Variants in ALPL observed in about 807,000 individuals in gnomAD.
ALPL encodes the protein alkaline phosphatase, biomineralization associated, also known as alkaline phosphatase, tissue-nonspecific isozyme.
In ALPL, 42 loss-of-function variants were observed where a neutral mutation model predicts 51.3. The ratio of observed to expected loss-of-function variants is 0.82; its 90% CI spans 0.64 to 1.06. ALPL has a LOEUF of 1.06. ALPL is among the 50% of genes least tolerant of loss of function. ALPL has a pLI of 0.00. For missense variants in ALPL, 589 were observed against 709.4 expected (o/e 0.83, Z 1.93); for synonymous variants, 279 against 296.4 (o/e 0.94, Z 0.60).
Position 21,564,338 on chromosome 1 carries a change from G to A in ALPL, c.648+122G>A, listed in dbSNP as rs1644533230. ...GGCCTGGCTCCCCACACACCTGGGA[G>A]GCTCCCAGCCCATTAGGGGATTTGC... On this transcript the variant is annotated intron_variant, in intron 6 of 11. Transcript: ENST00000374840. The surrounding 1 kb of genome is among the most constrained non-coding windows in gnomAD (Gnocchi z 5.8). 1 of 1,288,410 alleles carries A rather than the reference G, an allele frequency of 7.8e-7. No homozygotes were observed. The highest frequency in any genetic ancestry group is 1.1e-6 in the Non-Finnish European group (1 of 929,856). The allele number at this position is 1,288,410 out of a possible 1,614,324, so 79.8% of individuals were successfully genotyped here.
In ALPL at chr1:21,568,108, T is replaced by C; in HGVS notation, c.653T>C (p.Ile218Thr). The stretch of plus-strand genomic sequence containing the variant: ...GATGGCTCCTGTCTCTTTTAGGTGA[T>C]CATGGGGGGTGGCCGGAAATACATG... ...LMHNIRDIDV[I>T]MGGGRKYMYP... Residue 218 changes from isoleucine to threonine, a missense_variant, in exon 7 of 12, where the codon ATC becomes ACC. By Grantham distance (89) the Ile-to-Thr change is moderately conservative. Transcript: ENST00000374840. 6.2e-7 allele frequency: 1 copy of C among 1,614,054 alleles called. No individual in the cohort carries two copies. The highest frequency in any genetic ancestry group is 2.2e-5 in the East Asian group (1 of 44,856).
chr1:21,545,366 C>T (rs1430680304), intron 1 of ALPL, among the ~76,000 whole-genome samples: 2 of 152,160 alleles, frequency 1.3e-5, no homozygotes, highest in Non-Finnish European at 1.5e-5. Flanking sequence ...TCTCAGCTCA[C>T]TACAACCTCC....
intron 1 of ALPL, among the ~76,000 whole-genome samples, chr1:21,528,646 G>A (rs1302905046): frequency 6.6e-6 from 1 of 151,744 alleles, no homozygotes; most frequent in Admixed American, 6.6e-5. Flanking sequence ...CTCCGCTCCC[G>A]GCCGACCTAT....
At chr1:21,509,388 G>T (rs1270346689), upstream of ALPL, 1 of 150,664 alleles carries the variant, frequency 6.6e-6, no homozygotes, top group Non-Finnish European at 1.5e-5. The surrounding 1 kb of genome is among the most constrained non-coding windows in gnomAD (Gnocchi z 6.0). Context: ...GGGCCCCGCG[G>T]CCGCCTTTAT....
At chr1:21,552,020 C>T (rs1451953406) in intron 1 of ALPL, among the ~76,000 whole-genome samples, 1 of 150,122 alleles carries the variant, frequency 6.7e-6, no homozygotes, top group Non-Finnish European at 1.5e-5. Context: ...CCACCGCGCC[C>T]GGCCATTTGC....
At chr1:21,572,399 T>C (rs1029062354) in intron 8 of ALPL, among the ~76,000 whole-genome samples, 2 of 152,090 alleles carry the variant, frequency 1.3e-5, no homozygotes, top group Admixed American at 1.3e-4. Context: ...CCTCATTACA[T>C]GGTGGCTGGC....
At chr1:21,569,560 A>G (rs16825578) in intron 7 of ALPL, among the ~76,000 whole-genome samples, 27,859 of 151,450 alleles carry the variant, frequency 0.18, 3,125 homozygotes, top group East Asian at 0.45. Context: ...ACCTCCAGGA[A>G]GCAGGGGCTG....
chr1:21,563,900 T>C (rs1056957899), intron 5 of ALPL, 141 bp from the exon 6 acceptor site: 2 of 1,073,940 alleles, frequency 1.9e-6, no homozygotes, highest in Middle Eastern at 2.9e-4. Context: ...CCTGCTGCTG[T>C]GGATGGGGAG....
chr1:21,563,593 G>T (rs565665026), intron 5 of ALPL, among the ~76,000 whole-genome samples: 2 of 152,284 alleles, frequency 1.3e-5, no homozygotes, highest in South Asian at 2.1e-4. Context: ...TCAGCCCAGG[G>T]CTAGCCTGTG....
intron 1 of ALPL, among the ~76,000 whole-genome samples, chr1:21,538,164 T>G (rs1160623715): frequency 6.6e-6 from 1 of 152,220 alleles, no homozygotes; most frequent in Non-Finnish European, 1.5e-5. Context: ...TCCAGTGACG[T>G]AGGCTCTCAC....
At position 21,570,324 on chromosome 1, in the gene ALPL, AC is replaced by A; in HGVS notation, c.814del (p.Arg272AlafsTer5). 7 of 1,614,072 alleles carry A rather than the reference AC, an allele frequency of 4.3e-6. No individual in the cohort carries two copies. The highest frequency in any genetic ancestry group is 5.9e-6 in the Non-Finnish European group (7 of 1,180,012). ...TCCTAGCACTCCCACTTCATCTGGAACCGCACGGAACTCCTGACCCTTGACC... is the reference window on the plus strand; with the variant it reads ...TCCTAGCACTCCCACTTCATCTGGAACGCACGGAACTCCTGACCCTTGACC... ...PRYKHSHFIW[N>X]RTELLTLDPH... is the part of the protein sequence containing the mutation. On this transcript the variant is annotated frameshift_variant, in exon 8 of 12. Coordinates refer to ENST00000374840, the MANE Select transcript of ALPL (RefSeq NM_000478.6). LOFTEE classifies it high-confidence loss of function.
intron 1 of ALPL, among the ~76,000 whole-genome samples, chr1:21,553,150 G>GT (rs57915975): frequency 0.92 from 138,254 of 149,634 alleles, 63,973 homozygotes; most frequent in East Asian, 0.99. Flanking sequence ...TTTCCTTCCA[G>GT]TTTTTTTTTC....
Position 21,578,041 on chromosome 1 carries a change from A to G in ALPL, c.*393A>G. ...CCCAGTCTCATCTCCTGACCCTCCC[A>G]CTCCCATCTCCTTACCTCTGGAACC... On this transcript the variant is annotated 3_prime_UTR_variant, in exon 12 of 12. Transcript: ENST00000374840. This position sits in a 1 kb window ranked among gnomAD's most constrained non-coding sequence, Gnocchi z 4.2. The G allele has an allele frequency of 3.7e-6, 1 of 268,208 alleles. No homozygotes were observed. 16.6% of individuals were successfully genotyped at this position (268,208 alleles called of 1,614,324 possible). A position where few individuals can be genotyped will look rare whatever the true frequency, so the allele number is the denominator to read the frequency against.
chr1:21,522,695 CG>C (rs1405891112), intron 1 of ALPL, among the ~76,000 whole-genome samples: 2 of 152,100 alleles, frequency 1.3e-5, no homozygotes, highest in Non-Finnish European at 2.9e-5. Context: ...CATCCAGTGT[CG>C]GGCACACAAT....
intron 9 of ALPL, among the ~76,000 whole-genome samples, chr1:21,575,468 C>A (rs964938225): frequency 6.6e-6 from 1 of 152,098 alleles, no homozygotes; most frequent in Non-Finnish European, 1.5e-5. Flanking sequence ...TACAGCTTCC[C>A]GGCCTGGTGA....
chr1:21,532,244 T>TGCA (rs966142052), intron 1 of ALPL, among the ~76,000 whole-genome samples: 1 of 152,094 alleles, frequency 6.6e-6, no homozygotes, highest in Non-Finnish European at 1.5e-5. Context: ...CAGGCTGGAG[T>TGCA]GCAATGGTGT....
At chr1:21,548,449 C>T (rs866704277) in intron 1 of ALPL, among the ~76,000 whole-genome samples, 106 of 152,238 alleles carry the variant, frequency 7.0e-4, no homozygotes, top group African/African-American at 2.3e-3. Flanking sequence ...ACTGGTGGCA[C>T]TTATGGAACT....
At chr1:21,556,538 AG>A (rs373534746) in intron 2 of ALPL, among the ~76,000 whole-genome samples, 93 of 152,270 alleles carry the variant, frequency 6.1e-4, no homozygotes, top group African/African-American at 2.2e-3. Flanking sequence ...GCTACTTGGG[AG>A]GCTAAGGTGG....
At chr1:21,573,873 C>T in intron 9 of ALPL, 74 bp downstream of exon 9, 2 of 1,606,124 alleles carry the variant, frequency 1.2e-6, no homozygotes, top group Non-Finnish European at 1.7e-6. Flanking sequence ...AAGTCCAGCT[C>T]TTAAAGGGAA....
Sources: gnomAD v4.1 joint callset for allele counts (sites outside exome capture counted in the v4.1 genomes callset) on GRCh38, gnomAD v4.1.1 for gene constraint, Gnocchi (gnomAD v3.1) non-coding constraint, MANE v1.5 for transcripts, NCBI Gene and HGNC (gene_info 2026-07-23, HGNC 2026-07-21) for gene names.